TMPRSS11A: variants seen among roughly 807,000 people sequenced by gnomAD.
The protein encoded by TMPRSS11A is transmembrane protease serine 11A.
Under a neutral mutation model 58.9 loss-of-function variants are expected in TMPRSS11A, and 53 were observed. The observed-to-expected ratio is 0.90, with a 90% confidence interval of 0.72 to 1.13. The LOEUF (loss-of-function observed/expected upper bound fraction) is 1.13. TMPRSS11A is among the 50% of genes most tolerant of loss of function. The probability of loss-of-function intolerance (pLI) is 0.00; values close to 1 mark genes in which losing one functional copy is unlikely to be tolerated. For synonymous variants in TMPRSS11A, 167 were observed against 169.8 expected (o/e 0.98, Z 0.13); for missense variants, 493 against 499.3 (o/e 0.99, Z 0.12).
chr4:67,942,812 T>C (rs1029058563), intron 3 of TMPRSS11A, among the ~76,000 whole-genome samples: 6 of 152,244 alleles, frequency 3.9e-5, no homozygotes, highest in African/African-American at 1.4e-4. Context: ...CAGGTAAATA[T>C]GGAAGATACA....
chr4:67,957,649 T>A (rs1721318385), intron 1 of TMPRSS11A, among the ~76,000 whole-genome samples: 1 of 152,110 alleles, frequency 6.6e-6, no homozygotes, highest in Non-Finnish European at 1.5e-5. Flanking sequence ...AAAATTTGCA[T>A]CCTGACAATG....
Position 67,909,901 on chromosome 4 carries a change from G to A in TMPRSS11A, c.*1441C>T, listed in dbSNP as rs1003984910. On this transcript the variant is annotated 3_prime_UTR_variant, in exon 10 of 10. Transcript: ENST00000508048. Reference sequence around the variant, plus strand: ...ATTATGAATCAAGTGTTTTATGAGTGAACTGCATATCTCTTTTAGATATTT... The same window carrying A: ...ATTATGAATCAAGTGTTTTATGAGTAAACTGCATATCTCTTTTAGATATTT... 2.6e-5 allele frequency: 4 copies of A among 152,002 alleles called. No homozygotes were observed. The highest frequency in any genetic ancestry group is 9.7e-5 in the African/African-American group (4 of 41,422). The allele number at this position is 152,002 out of a possible 1,614,324, so 9.4% of individuals were successfully genotyped here.
chr4:67,932,572 C>G (rs780712394), intron 3 of TMPRSS11A, among the ~76,000 whole-genome samples: 1 of 152,096 alleles, frequency 6.6e-6, no homozygotes, highest in Non-Finnish European at 1.5e-5. Context: ...AGATATTGAT[C>G]TGCTACTCAT....
At chr4:67,951,055 G>T (rs1026306786) in intron 1 of TMPRSS11A, among the ~76,000 whole-genome samples, 1 of 152,246 alleles carries the variant, frequency 6.6e-6, no homozygotes, top group African/African-American at 2.4e-5. Flanking sequence ...CCCAAAGGAT[G>T]TGAGTCCCCA....
intron 2 of TMPRSS11A, among the ~76,000 whole-genome samples, 194 bp from the exon 3 acceptor site, chr4:67,944,831 G>A (rs1327643613): frequency 1.3e-5 from 2 of 152,064 alleles, no homozygotes; most frequent in African/African-American, 2.4e-5. Flanking sequence ...AATATGGCAG[G>A]CACTGTCCTG....
chr4:67,914,777 G>A, intron 8 of TMPRSS11A, 47 bp from the exon 9 acceptor site: 1 of 1,544,834 alleles, frequency 6.5e-7, no homozygotes, highest in Non-Finnish European at 8.9e-7. Context: ...CAGCATCTTT[G>A]GCTAGAGTGA....
At chr4:67,935,079 T>C (rs1720719465) in intron 3 of TMPRSS11A, among the ~76,000 whole-genome samples, 1 of 152,176 alleles carries the variant, frequency 6.6e-6, no homozygotes. Flanking sequence ...ATGCAAAGGA[T>C]ATTATATAAG....
intron 3 of TMPRSS11A, among the ~76,000 whole-genome samples, chr4:67,936,749 C>T (rs1720764893): frequency 1.3e-5 from 2 of 151,964 alleles, no homozygotes; most frequent in South Asian, 4.2e-4. Context: ...TATCCATATC[C>T]CAAATTGGCT....
chr4:67,912,814 A>G (rs1720019828), intron 9 of TMPRSS11A, among the ~76,000 whole-genome samples: 1 of 152,118 alleles, frequency 6.6e-6, no homozygotes, highest in Non-Finnish European at 1.5e-5. Flanking sequence ...GCCCAGCACT[A>G]CTTGGACCTT....
rs942729193 is a variant in TMPRSS11A, at chr4:67,910,295, A to T, written c.*1047T>A. 1.3e-5 allele frequency: 2 copies of T among 151,894 alleles called. No individual in the cohort carries two copies. Among genetic ancestry groups the T allele is most frequent in the African/African-American group, 4.8e-5 (2 of 41,370 alleles). The allele number at this position is 151,894 out of a possible 1,614,324, so 9.4% of individuals were successfully genotyped here. A position where few individuals can be genotyped will look rare whatever the true frequency, so the allele number is the denominator to read the frequency against. On this transcript the variant is annotated 3_prime_UTR_variant, in exon 10 of 10. Coordinates refer to ENST00000508048, the MANE Select transcript of TMPRSS11A (RefSeq NM_001114387.2). ...GCTCAAATTTTATATTTATTTTCAAATTTTTCTAAAACTAGGGTTTTATGA... is the reference window on the plus strand; with the variant it reads ...GCTCAAATTTTATATTTATTTTCAATTTTTTCTAAAACTAGGGTTTTATGA...
At chr4:67,951,834 T>C (rs1045481213) in intron 1 of TMPRSS11A, among the ~76,000 whole-genome samples, 1 of 152,210 alleles carries the variant, frequency 6.6e-6, no homozygotes, top group Non-Finnish European at 1.5e-5. Flanking sequence ...ATGGAGCCAT[T>C]TCACCTAGAA....
intron 3 of TMPRSS11A, among the ~76,000 whole-genome samples, chr4:67,932,556 A>C (rs1720655752): frequency 6.6e-6 from 1 of 152,140 alleles, no homozygotes. Context: ...CTAACCTGTA[A>C]AACAAAGATA....
rs11930532 is a variant in TMPRSS11A at position 67,946,565 on chromosome 4, C to T, written c.18G>A (p.Val6=). 1,264,737 of 1,610,108 alleles carry T rather than the reference C, an allele frequency of 0.79. 508,621 individuals are homozygous for T. Among genetic ancestry groups the T allele is most frequent in the Non-Finnish European group, 0.83 (974,594 of 1,178,254 alleles). The change falls in exon 2 of 10, where the codon GTG becomes GTA. Residue 6 remains valine (V), a synonymous_variant. Transcript: ENST00000508048. Reference sequence around the variant, plus strand: ...GATTTCTGCTTCGGGTGCCAAATCCCACTGTCCTGAGAAAAGGAAGGGCCC... The same window carrying T: ...GATTTCTGCTTCGGGTGCCAAATCCTACTGTCCTGAGAAAAGGAAGGGCCC... MMYRT[V]GFGTRSRNLK... is the part of the protein sequence containing the mutation.
At position 67,944,510 on chromosome 4, in the gene TMPRSS11A, C is replaced by T; in HGVS notation, c.252+9G>A. The stretch of plus-strand genomic sequence containing the variant: ...TATTCTATGATAAAAAGAAGTTTAC[C>T]TGACTCACCAAATTTTCGGTCGTCT... On this transcript the variant is annotated intron_variant, in intron 3 of 9. Transcript: ENST00000508048. 3 of 1,606,418 alleles carry T rather than the reference C, an allele frequency of 1.9e-6. No homozygotes were observed. Among genetic ancestry groups the T allele is most frequent in the Non-Finnish European group, 2.5e-6 (3 of 1,177,154 alleles).
At chr4:67,936,112 G>A (rs1409759780) in intron 3 of TMPRSS11A, among the ~76,000 whole-genome samples, 1 of 152,044 alleles carries the variant, frequency 6.6e-6, no homozygotes, top group African/African-American at 2.4e-5. Context: ...GCCTGTTAAC[G>A]CCTTCACAGT....
At chr4:67,956,631 C>T (rs116048443) in intron 1 of TMPRSS11A, among the ~76,000 whole-genome samples, 11,035 of 152,118 alleles carry the variant, frequency 0.073, 573 homozygotes, top group Middle Eastern at 0.15. Context: ...ATAATTTGCA[C>T]GAAATGATTC....
At chr4:67,955,821 G>A (rs1206085189) in intron 1 of TMPRSS11A, among the ~76,000 whole-genome samples, 1 of 152,060 alleles carries the variant, frequency 6.6e-6, no homozygotes, top group Non-Finnish European at 1.5e-5. Context: ...TTCTCAAGCT[G>A]TGCTATGACA....
chr4:67,910,391 T>C lies in TMPRSS11A; in HGVS notation c.*951A>G, dbSNP rs532047990. 2.5e-4 allele frequency: 38 copies of C among 152,218 alleles called. No individual in the cohort carries two copies. Among genetic ancestry groups the C allele is most frequent in the African/African-American group, 9.1e-4 (38 of 41,574 alleles). 9.4% of individuals were successfully genotyped at this position (152,218 alleles called of 1,614,324 possible). Reference sequence around the variant, plus strand: ...TGTAGCAATGCGAGGGCATAAAATTTTTCTTGCTACGGAGGAACATAATGT... The same window carrying C: ...TGTAGCAATGCGAGGGCATAAAATTCTTCTTGCTACGGAGGAACATAATGT... On this transcript the variant is annotated 3_prime_UTR_variant, in exon 10 of 10. Transcript: ENST00000508048.
intron 3 of TMPRSS11A, among the ~76,000 whole-genome samples, chr4:67,937,778 A>C (rs1431684417): frequency 3.3e-5 from 5 of 152,088 alleles, no homozygotes; most frequent in Non-Finnish European, 7.4e-5. Flanking sequence ...ATACATATAT[A>C]TCTCACAGTT....
Sources: allele counts gnomAD v4.1 joint callset (sites outside exome capture counted in the v4.1 genomes callset), GRCh38; gene constraint gnomAD v4.1.1; transcripts MANE v1.5; gene names NCBI Gene and HGNC (gene_info 2026-07-23, HGNC 2026-07-21).